The following BMPR1A variants were observed in gnomAD, a reference collection of about 807,000 sequenced individuals.
The protein encoded by BMPR1A is bone morphogenetic protein receptor type 1A, also known as bone morphogenetic protein receptor type-1A.
A neutral mutation model predicts 66.0 loss-of-function variants in BMPR1A; 7 were observed. That is an observed-to-expected ratio of 0.11 (90% CI 0.06 to 0.20). The LOEUF (loss-of-function observed/expected upper bound fraction) is 0.20, where lower values mean the gene tolerates loss of function less well. Ranked by LOEUF, BMPR1A falls within the 10% of genes least tolerant of loss-of-function variation. The pLI, the probability that BMPR1A is intolerant of heterozygous loss-of-function variation, is 1.00. For synonymous variants in BMPR1A, 200 were observed against 229.7 expected (o/e 0.87, Z 1.17); for missense variants, 408 against 669.1 (o/e 0.61, Z 4.31).
chr10:86,762,242 A>G (rs1342641621), intron 1 of BMPR1A, among the ~76,000 whole-genome samples: 1 of 152,236 alleles, frequency 6.6e-6, no homozygotes, highest in Non-Finnish European at 1.5e-5. Context: ...GCAGGTGCAT[A>G]TATCTGGCAG....
intron 1 of BMPR1A, among the ~76,000 whole-genome samples, chr10:86,821,141 A>G (rs1162000801): frequency 6.6e-6 from 1 of 152,192 alleles, no homozygotes; most frequent in African/African-American, 2.4e-5. Flanking sequence ...CGTGTGGCAT[A>G]ACATTTGTAG....
At chr10:86,839,729 G>A (rs553286247) in intron 2 of BMPR1A, among the ~76,000 whole-genome samples, 1 of 150,680 alleles carries the variant, frequency 6.6e-6, no homozygotes, top group South Asian at 2.1e-4. Context: ...CTGGACTGCA[G>A]TGAGCATAGT....
chr10:86,852,236 C>G (rs754970443), intron 2 of BMPR1A, among the ~76,000 whole-genome samples: 1 of 151,918 alleles, frequency 6.6e-6, no homozygotes, highest in Non-Finnish European at 1.5e-5. Context: ...TGTTTTCTGG[C>G]GAGAAAGCAT....
chr10:86,794,104 C>T (rs908535199), intron 1 of BMPR1A, among the ~76,000 whole-genome samples: 1 of 152,208 alleles, frequency 6.6e-6, no homozygotes, highest in African/African-American at 2.4e-5. Flanking sequence ...AGTCACACAT[C>T]TGCAAAGTCC....
chr10:86,898,395 T>C (rs765589573), intron 5 of BMPR1A, among the ~76,000 whole-genome samples: 5 of 152,164 alleles, frequency 3.3e-5, no homozygotes, highest in Non-Finnish European at 7.3e-5. Flanking sequence ...CCATCTCTCT[T>C]ACAAGGGCTT....
chr10:86,798,273 C>T (rs1348329666), intron 1 of BMPR1A, among the ~76,000 whole-genome samples: 1 of 152,070 alleles, frequency 6.6e-6, no homozygotes, highest in African/African-American at 2.4e-5. Flanking sequence ...AGTAATTAGA[C>T]CATTCATCAC....
intron 2 of BMPR1A, among the ~76,000 whole-genome samples, chr10:86,868,012 G>A (rs1842806801): frequency 1.3e-5 from 2 of 152,204 alleles, no homozygotes; most frequent in African/African-American, 4.8e-5. Context: ...GGGTGGCGAT[G>A]AAATTGGTAA....
intron 1 of BMPR1A, among the ~76,000 whole-genome samples, chr10:86,760,208 T>TTTTG (rs1491017899): frequency 1.4e-5 from 2 of 146,174 alleles, no homozygotes; most frequent in Non-Finnish European, 3.0e-5. Flanking sequence ...TTTTTTTTTT[T>TTTTG]TAATACCTTA....
At chr10:86,835,549 C>CA (rs55804247) in intron 1 of BMPR1A, among the ~76,000 whole-genome samples, 597 of 44,336 alleles carry the variant, frequency 0.013, 144 homozygotes, top group African/African-American at 0.022. Context: ...GACTCTGTAT[C>CA]AAAAAAAAAA....
At chr10:86,853,789 C>CG (rs1842603966) in intron 2 of BMPR1A, among the ~76,000 whole-genome samples, 1 of 152,090 alleles carries the variant, frequency 6.6e-6, no homozygotes, top group South Asian at 2.1e-4. Flanking sequence ...ACAGAGATCA[C>CG]GTGCTTCACA....
intron 1 of BMPR1A, among the ~76,000 whole-genome samples, chr10:86,796,490 C>CATT (rs1432521955): frequency 3.4e-5 from 5 of 148,098 alleles, no homozygotes; most frequent in African/African-American, 1.3e-4. Context: ...AATTTAGGCA[C>CATT]ATTTATTTAT....
chr10:86,867,389 G>C (rs530151505), intron 2 of BMPR1A, among the ~76,000 whole-genome samples: 1 of 152,334 alleles, frequency 6.6e-6, no homozygotes, highest in East Asian at 1.9e-4. Flanking sequence ...TGCCTATGGG[G>C]TGACCAGACC....
At chr10:86,850,284 G>A (rs1297836228) in intron 2 of BMPR1A, among the ~76,000 whole-genome samples, 3 of 150,842 alleles carry the variant, frequency 2.0e-5, no homozygotes, top group Admixed American at 6.6e-5. Flanking sequence ...TAGCGCCACC[G>A]CACTCCAGCC....
intron 1 of BMPR1A, among the ~76,000 whole-genome samples, chr10:86,803,754 G>A (rs568728850): frequency 6.6e-6 from 1 of 152,138 alleles, no homozygotes; most frequent in African/African-American, 2.4e-5. Flanking sequence ...AAATTTTTCT[G>A]ACTTTTTCAA....
chr10:86,768,318 G>A (rs548200625), intron 1 of BMPR1A, among the ~76,000 whole-genome samples: 3 of 152,198 alleles, frequency 2.0e-5, no homozygotes, highest in Admixed American at 2.0e-4. Flanking sequence ...TAAAAAAACT[G>A]TTATCCAAAA....
intron 5 of BMPR1A, among the ~76,000 whole-genome samples, chr10:86,895,136 T>C (rs1843208124): frequency 6.6e-6 from 1 of 152,190 alleles, no homozygotes; most frequent in South Asian, 2.1e-4. Flanking sequence ...TGACAGATGG[T>C]TTTCAATTGT....
chr10:86,846,454 G>C (rs774131086), intron 2 of BMPR1A, among the ~76,000 whole-genome samples: 4 of 152,164 alleles, frequency 2.6e-5, no homozygotes, highest in Non-Finnish European at 5.9e-5. Context: ...ATAAGATAAA[G>C]ATTGGCACTT....
Position 86,926,674 on chromosome 10 carries a change from T to A in BMPR1A, c.*2955T>A, listed in dbSNP as rs907279253. ...GCCAGCAAGAAGAAGTATTATGTAG[T>A]ACCATAGTTAGTAAATTCGTAAAAC... On this transcript the variant is annotated 3_prime_UTR_variant, in exon 13 of 13. Coordinates refer to ENST00000372037, the MANE Select transcript of BMPR1A (RefSeq NM_004329.3). The A allele has an allele frequency of 6.6e-5, 12 of 183,170 alleles. No homozygotes were observed. Among genetic ancestry groups the A allele is most frequent in the Non-Finnish European group, 1.4e-4 (12 of 86,236 alleles). The allele number at this position is 183,170 out of a possible 1,614,324, so 11.3% of individuals were successfully genotyped here.
At chr10:86,862,486 G>A (rs187333924) in intron 2 of BMPR1A, among the ~76,000 whole-genome samples, 36 of 152,294 alleles carry the variant, frequency 2.4e-4, no homozygotes, top group Non-Finnish European at 3.1e-4. Context: ...AATGGGGTGT[G>A]ATGTGGTTTA....
Sources: allele counts gnomAD v4.1 joint callset (sites outside exome capture counted in the v4.1 genomes callset), GRCh38; gene constraint gnomAD v4.1.1; transcripts MANE v1.5; gene names NCBI Gene and HGNC (gene_info 2026-07-23, HGNC 2026-07-21).